PDE8B: variants seen among roughly 807,000 people sequenced by gnomAD.
PDE8B encodes the protein phosphodiesterase 8B, also known as high affinity cAMP-specific and IBMX-insensitive 3',5'-cyclic phosphodiesterase 8B.
Under a neutral mutation model 101.3 loss-of-function variants are expected in PDE8B, and 26 were observed. That is an observed-to-expected ratio of 0.26 (90% CI 0.19 to 0.36). PDE8B has a LOEUF of 0.36. PDE8B is among the 10% of genes least tolerant of loss of function. The pLI is 1.00. For synonymous variants in PDE8B, 424 were observed against 429.3 expected (o/e 0.99, Z 0.15); for missense variants, 810 against 1,163.1 (o/e 0.70, Z 4.42).
chr5:77,329,358 A>G (rs539310654), intron 4 of PDE8B, among the ~76,000 whole-genome samples: 1 of 152,360 alleles, frequency 6.6e-6, no homozygotes, highest in East Asian at 1.9e-4. Flanking sequence ...GGTCTGGAGA[A>G]AACATTGTTC....
chr5:77,338,588 G>A (rs981947330), intron 6 of PDE8B, among the ~76,000 whole-genome samples: 5 of 152,170 alleles, frequency 3.3e-5, no homozygotes, highest in Non-Finnish European at 7.3e-5. Flanking sequence ...GTCAGCTTCA[G>A]AGAACTTCAC....
chr5:77,174,533 G>A, the PDE8B span, among the ~76,000 whole-genome samples: 2 of 151,840 alleles, frequency 1.3e-5, no homozygotes, highest in African/African-American at 4.8e-5. Flanking sequence ...TATTTATACT[G>A]TACACATCTC....
chr5:77,309,941 A>ACG, intron 1 of PDE8B, among the ~76,000 whole-genome samples: 1 of 83,116 alleles, frequency 1.2e-5, no homozygotes, highest in Non-Finnish European at 2.1e-5. Context: ...TTAATCATTA[A>ACG]TCTTTTTTTT....
At chr5:77,124,545 C>T in the PDE8B span, among the ~76,000 whole-genome samples, 1 of 151,334 alleles carries the variant, frequency 6.6e-6, no homozygotes, top group Admixed American at 6.6e-5. Flanking sequence ...TGAGATTGTG[C>T]CACTCACTCC....
At chr5:77,175,738 T>G in the PDE8B span, among the ~76,000 whole-genome samples, 2 of 152,226 alleles carry the variant, frequency 1.3e-5, no homozygotes, top group African/African-American at 4.8e-5. Flanking sequence ...CATATAGTAG[T>G]TGCTCAAAAA....
chr5:77,202,358 G>T, the PDE8B span, among the ~76,000 whole-genome samples: 2 of 152,128 alleles, frequency 1.3e-5, no homozygotes, highest in Non-Finnish European at 2.9e-5. Flanking sequence ...TTCTGCCTCT[G>T]CAATCCCTGA....
intron 6 of PDE8B, among the ~76,000 whole-genome samples, chr5:77,338,346 A>T (rs1449857157): frequency 6.6e-6 from 1 of 152,210 alleles, no homozygotes; most frequent in Non-Finnish European, 1.5e-5. Flanking sequence ...CCTGGGGTGC[A>T]CCCTGGTCAG....
chr5:77,132,009 T>C, the PDE8B span, among the ~76,000 whole-genome samples: 1 of 152,328 alleles, frequency 6.6e-6, no homozygotes, highest in East Asian at 1.9e-4. Flanking sequence ...CATAATTATT[T>C]TGATGCCTAC....
the PDE8B span, chr5:77,100,141 A>C: frequency 6.6e-6 from 1 of 152,246 alleles, no homozygotes; most frequent in Non-Finnish European, 1.5e-5. Flanking sequence ...TCTATTCACC[A>C]TAAACTACTA....
chr5:77,211,128 G>A lies in PDE8B; in HGVS notation c.203G>A (p.Arg68His). The A allele has an allele frequency of 6.6e-7, 1 of 1,505,172 alleles. No homozygotes were observed. The highest frequency in any genetic ancestry group is 8.8e-7 in the Non-Finnish European group (1 of 1,134,360). The allele number at this position is 1,505,172 out of a possible 1,614,324, so 93.2% of individuals were successfully genotyped here. ...GGACCCCCCAGCGTAGCCCGCGTCC[G>A]CAGGGCCCGCACCGAGCTGGGCAGC... ...ASGPPSVARV[R>H]RARTELGSGS... The change falls in exon 1 of 22, where the codon CGC (arginine) becomes CAC (histidine). Residue 68 changes from arginine to histidine, a missense_variant. This residue lies in a region of PDE8B where 159 missense variants were observed against 146.6 expected (regional missense o/e 1.08). Coordinates refer to ENST00000264917, the MANE Select transcript of PDE8B (RefSeq NM_003719.5). This position sits in a 1 kb window ranked among gnomAD's most constrained non-coding sequence, Gnocchi z 4.1.
the PDE8B span, among the ~76,000 whole-genome samples, chr5:77,199,152 C>T: frequency 0.41 from 62,534 of 151,972 alleles, 13,611 homozygotes; most frequent in African/African-American, 0.54. Flanking sequence ...GAATTACTTG[C>T]AGATGTGGCA....
intron 1 of PDE8B, among the ~76,000 whole-genome samples, chr5:77,217,910 C>CT (rs1052598553): frequency 2.6e-5 from 4 of 152,134 alleles, no homozygotes; most frequent in Non-Finnish European, 5.9e-5. Flanking sequence ...TCCCTAGTCT[C>CT]TTTTTTTCTT....
intron 1 of PDE8B, among the ~76,000 whole-genome samples, chr5:77,255,353 A>G (rs1008301140): frequency 3.3e-5 from 5 of 152,202 alleles, no homozygotes; most frequent in Non-Finnish European, 7.3e-5. Context: ...CTTCATAGGC[A>G]TGCCACCAAC....
chr5:77,188,042 G>C, the PDE8B span, among the ~76,000 whole-genome samples: 5 of 152,152 alleles, frequency 3.3e-5, no homozygotes, highest in Non-Finnish European at 7.4e-5. Context: ...TAGGGTTTTA[G>C]CATCTATTTT....
the PDE8B span, among the ~76,000 whole-genome samples, chr5:77,189,637 T>G: frequency 1.3e-5 from 2 of 152,296 alleles, no homozygotes; most frequent in Non-Finnish European, 2.9e-5. Flanking sequence ...CATGTCGGCA[T>G]GCCCATGGTG....
intron 10 of PDE8B, among the ~76,000 whole-genome samples, chr5:77,383,934 T>C (rs1266306352): frequency 1.3e-5 from 2 of 152,228 alleles, no homozygotes; most frequent in African/African-American, 2.4e-5. Context: ...AGCTTTGTTA[T>C]TTTTGTTTAG....
chr5:77,162,855 T>A, the PDE8B span, among the ~76,000 whole-genome samples: 1 of 152,230 alleles, frequency 6.6e-6, no homozygotes, highest in Non-Finnish European at 1.5e-5. Flanking sequence ...TTTCTCAGGG[T>A]ACAAGTCTGT....
At chr5:77,291,141 T>G (rs1250359288) in intron 1 of PDE8B, 2 of 1,610,554 alleles carry the variant, frequency 1.2e-6, no homozygotes, top group African/African-American at 2.7e-5. Flanking sequence ...ATCAGCTCTC[T>G]TCACTGCTGT....
intron 1 of PDE8B, among the ~76,000 whole-genome samples, chr5:77,222,794 G>A (rs906952808): frequency 6.6e-6 from 1 of 152,188 alleles, no homozygotes; most frequent in Non-Finnish European, 1.5e-5. Flanking sequence ...GCTGAAGACT[G>A]TAAGGAAAAG....
Sources: allele counts gnomAD v4.1 joint callset (sites outside exome capture counted in the v4.1 genomes callset), GRCh38; gene constraint gnomAD v4.1.1; regional missense constraint gnomAD v4.1.1; non-coding constraint Gnocchi (gnomAD v3.1); transcripts MANE v1.5; gene names NCBI Gene and HGNC (gene_info 2026-07-23, HGNC 2026-07-21).